The following ASB18 variants were observed in gnomAD, a reference collection of about 807,000 sequenced individuals.
The protein encoded by ASB18 is ankyrin repeat and SOCS box protein 18.
A neutral mutation model predicts 33.4 loss-of-function variants in ASB18; 33 were observed. The observed-to-expected ratio is 0.99, with a 90% CI of 0.75 to 1.32. The LOEUF (loss-of-function observed/expected upper bound fraction) is 1.32. Ranked by LOEUF, ASB18 falls within the 40% of genes most tolerant of loss-of-function variation. ASB18 has a pLI of 0.00. For synonymous variants in ASB18, 295 were observed against 307.6 expected, an observed-to-expected ratio of 0.96 and a Z score of 0.43; for missense variants, 694 against 655.5, an observed-to-expected ratio of 1.06 and a Z score of -0.64.
At chr2:236,254,930 T>C (rs964242430) in intron 1 of ASB18, among the ~76,000 whole-genome samples, 2 of 152,096 alleles carry the variant, frequency 1.3e-5, no homozygotes, top group African/African-American at 4.8e-5. Flanking sequence ...GTTCTCAAGA[T>C]AGTGAGTTCT....
rs1172393049 is a variant in ASB18 at position 236,248,175 on chromosome 2, G to C, written c.206-6773C>G. ...TACACGTGATGCCCCAACAGCAGTG[G>C]TTCAAACGTTGGCTACAAAAATGAA... On this transcript the variant is annotated intron_variant, in intron 1 of 5. Coordinates refer to ENST00000409749, the MANE Select transcript of ASB18 (RefSeq NM_212556.4). This position sits in a 1 kb window ranked among gnomAD's most constrained non-coding sequence, Gnocchi z 4.9. 1.3e-5 allele frequency: 2 copies of C among 152,160 alleles called. No individual in the cohort carries two copies. Among genetic ancestry groups the C allele is most frequent in the Admixed American group, 1.3e-4 (2 of 15,278 alleles). The allele number at this position is 152,160 out of a possible 1,614,324, so 9.4% of individuals were successfully genotyped here.
chr2:236,241,470 C>G lies in ASB18; in HGVS notation c.206-68G>C, dbSNP rs1267781159. 3 of 1,596,078 alleles carry G rather than the reference C, an allele frequency of 1.9e-6. No individual in the cohort carries two copies. Among genetic ancestry groups the G allele is most frequent in the South Asian group, 2.2e-5 (2 of 89,932 alleles). ...CTCTAGCTTGAGGATCCTTCTCTGTCTTTTGAAATATTTGAAGTTTTCCTC... is the reference window on the plus strand; with the variant it reads ...CTCTAGCTTGAGGATCCTTCTCTGTGTTTTGAAATATTTGAAGTTTTCCTC... On this transcript the variant is annotated intron_variant, in intron 1 of 5. Coordinates refer to ENST00000409749, the MANE Select transcript of ASB18 (RefSeq NM_212556.4). This position sits in a 1 kb window ranked among gnomAD's most constrained non-coding sequence, Gnocchi z 4.2.
In ASB18 at chr2:236,223,831, A is replaced by G. The variant is rs573737055; in HGVS notation, c.597-8965T>C. Reference sequence around the variant, plus strand: ...CATCATGCTGTTCACATTCATCCATACTGTTGCCTGCATGGAGTAATTCAT... The same window carrying G: ...CATCATGCTGTTCACATTCATCCATGCTGTTGCCTGCATGGAGTAATTCAT... On this transcript the variant is annotated intron_variant, in intron 3 of 5. Transcript: ENST00000409749. The surrounding 1 kb of genome is among the most constrained non-coding windows in gnomAD (Gnocchi z 4.6). Among the ~76,000 whole-genome samples the G allele has an allele frequency of 1.5e-4, 23 of 152,202 alleles. No individual in the cohort carries two copies. In the South Asian group the frequency reaches 4.6e-3, roughly 30 times the overall value.
rs899989922 is a variant in ASB18, at chr2:236,263,324, C to G, written c.205+817G>C. 2.6e-5 allele frequency among the ~76,000 whole-genome samples: 4 copies of G among 152,090 alleles called. No homozygotes were observed. Among genetic ancestry groups the G allele is most frequent in the Non-Finnish European group, 4.4e-5 (3 of 67,994 alleles). ...CAGGTCTTGCACCTGATGAGGCCTACAAAGAAAAAATCCTATGGACAAGAC... is the reference window on the plus strand; with the variant it reads ...CAGGTCTTGCACCTGATGAGGCCTAGAAAGAAAAAATCCTATGGACAAGAC... On this transcript the variant is annotated intron_variant, in intron 1 of 5. Coordinates refer to ENST00000409749, the MANE Select transcript of ASB18 (RefSeq NM_212556.4). The surrounding 1 kb of genome is among the most constrained non-coding windows in gnomAD (Gnocchi z 4.0).
chr2:236,214,384 A>G lies in ASB18; in HGVS notation c.1079T>C (p.Val360Ala), dbSNP rs1325639915. The change falls in exon 4 of 6, where the codon GTG becomes GCG. Residue 360 changes from valine (V) to alanine (A), a missense_variant. Physicochemically the swap from Val to Ala is moderately conservative, Grantham distance 64. Transcript: ENST00000409749. This position sits in a 1 kb window ranked among gnomAD's most constrained non-coding sequence, Gnocchi z 6.5. ...QALLNHGSPT[V>A]WPDAFPKVLK... ...TACCTTGGGGAAGGCGTCGGGCCAC[A>G]CGGTGGGAGAGCCGTGGTTGAGCAG... 4 of 1,576,976 alleles carry G rather than the reference A, an allele frequency of 2.5e-6. No homozygotes were observed. In the South Asian group the frequency reaches 4.6e-5, roughly 18 times the overall value.
Position 236,243,060 on chromosome 2 carries a change from G to T in ASB18, c.206-1658C>A, listed in dbSNP as rs1481156865. ...AAAAAAAAAAAAAGGGCTGGGCGCA[G>T]TGGCTCACGCCTGTAATCCCAGCAC... is the stretch of plus-strand genomic sequence containing the variant. On this transcript the variant is annotated intron_variant, in intron 1 of 5. Coordinates refer to ENST00000409749, the MANE Select transcript of ASB18 (RefSeq NM_212556.4). Among the ~76,000 whole-genome samples, 17 of 143,718 alleles carry T rather than the reference G, an allele frequency of 1.2e-4. No homozygotes were observed. In the East Asian group the frequency reaches 3.4e-3, roughly 29 times the overall value. 94.3% of individuals were successfully genotyped at this position (143,718 alleles called of 152,430 possible).
chr2:236,236,625 T>TC (rs2060590625), intron 3 of ASB18, among the ~76,000 whole-genome samples: 1 of 98,536 alleles, frequency 1.0e-5, no homozygotes, highest in African/African-American at 3.2e-5. Flanking sequence ...GGCCCCCTGA[T>TC]CCCCCCTCTG....
At chr2:236,236,337 G>T (rs575946258) in intron 3 of ASB18, among the ~76,000 whole-genome samples, 1 of 152,252 alleles carries the variant, frequency 6.6e-6, no homozygotes, top group South Asian at 2.1e-4. Context: ...ACTAAGCCAA[G>T]TAATAGAAAG....
rs1265273900 is a variant in ASB18 at position 236,209,331 on chromosome 2, A to G, written c.1101+5031T>C. On this transcript the variant is annotated intron_variant, in intron 4 of 5. Transcript: ENST00000409749. The surrounding 1 kb of genome is among the most constrained non-coding windows in gnomAD (Gnocchi z 4.4). ...TCTGTCGTCCAGGCTGGAGTGTAGT[A>G]TTGCAATCATGGCTCACTGCAGCTT... 6.9e-6 allele frequency among the ~76,000 whole-genome samples: 1 copy of G among 145,768 alleles called. No individual in the cohort carries two copies. The highest frequency in any genetic ancestry group is 2.6e-5 in the African/African-American group (1 of 38,804).
Position 236,239,293 on chromosome 2 carries a change from CT to C in ASB18, c.329-1338del, listed in dbSNP as rs1381588746. Among the ~76,000 whole-genome samples, 1 of 152,178 alleles carries C rather than the reference CT, an allele frequency of 6.6e-6. No individual in the cohort carries two copies. The highest frequency in any genetic ancestry group is 1.5e-5 in the Non-Finnish European group (1 of 68,018). On this transcript the variant is annotated intron_variant, in intron 2 of 5. Transcript: ENST00000409749. This position sits in a 1 kb window ranked among gnomAD's most constrained non-coding sequence, Gnocchi z 5.6. ...GCTAAATCCCCAACCCAGCCCCACCCTACCCTAGCGCTCAGTAAACCCACCC... is the reference window on the plus strand; with the variant it reads ...GCTAAATCCCCAACCCAGCCCCACCCACCCTAGCGCTCAGTAAACCCACCC...
At position 236,226,424 on chromosome 2, in the gene ASB18, A is replaced by G. The variant is rs1204076963; in HGVS notation, c.596+11265T>C. Among the ~76,000 whole-genome samples the G allele has an allele frequency of 6.6e-6, 1 of 150,720 alleles. No individual in the cohort carries two copies. The highest frequency in any genetic ancestry group is 6.6e-5 in the Admixed American group (1 of 15,200). On this transcript the variant is annotated intron_variant, in intron 3 of 5. Coordinates refer to ENST00000409749, the MANE Select transcript of ASB18 (RefSeq NM_212556.4). The surrounding 1 kb of genome is among the most constrained non-coding windows in gnomAD (Gnocchi z 4.8). The stretch of plus-strand genomic sequence containing the variant: ...GAGCGACACAGAGAAGAGAAAATGA[A>G]ACAAGAAAGAAGAAAGAGGAGGAAG...
In ASB18 at chr2:236,209,676, C is replaced by G; in HGVS notation, c.1101+4686G>C. Among the ~76,000 whole-genome samples the G allele has an allele frequency of 6.6e-6, 1 of 152,222 alleles. No individual in the cohort carries two copies. The highest frequency in any genetic ancestry group is 1.9e-4 in the East Asian group (1 of 5,198). On this transcript the variant is annotated intron_variant, in intron 4 of 5. Transcript: ENST00000409749. The surrounding 1 kb of genome is among the most constrained non-coding windows in gnomAD (Gnocchi z 4.4). The stretch of plus-strand genomic sequence containing the variant: ...CCATCAGCCCCCTACCTGGTGTGTT[C>G]TCTACGTCGAGCTTAGAAATTCCAA...
At position 236,257,591 on chromosome 2, in the gene ASB18, G is replaced by T. The variant is rs1358466155; in HGVS notation, c.205+6550C>A. On this transcript the variant is annotated intron_variant, in intron 1 of 5. Transcript: ENST00000409749. The surrounding 1 kb of genome is among the most constrained non-coding windows in gnomAD (Gnocchi z 5.5). ...ATGTATGCTTCATGTCAGATTAAAG[G>T]GTTGTAGACAGCTTCACTGGGAAGT... 6.6e-6 allele frequency among the ~76,000 whole-genome samples: 1 copy of T among 152,156 alleles called. No individual in the cohort carries two copies. The highest frequency in any genetic ancestry group is 6.5e-5 in the Admixed American group (1 of 15,270).
chr2:236,224,112 C>CATT (rs2060525623), intron 3 of ASB18, among the ~76,000 whole-genome samples: 1 of 146,200 alleles, frequency 6.8e-6, no homozygotes, highest in African/African-American at 2.5e-5. Context: ...AAAGAGATAT[C>CATT]ATTTTACCCA....
chr2:236,241,180 A>G lies in ASB18; in HGVS notation c.328+100T>C. 1.7e-6 allele frequency: 2 copies of G among 1,203,194 alleles called. No homozygotes were observed. The highest frequency in any genetic ancestry group is 2.4e-6 in the Non-Finnish European group (2 of 832,216). The allele number at this position is 1,203,194 out of a possible 1,614,324, so 74.5% of individuals were successfully genotyped here. A position where few individuals can be genotyped will look rare whatever the true frequency, so the allele number is the denominator to read the frequency against. Reference sequence around the variant, plus strand: ...TCCTTTTCTTGTGTACGTTAAACCCAGTGCCACTGTGCCCAGTCTACACAC... The same window carrying G: ...TCCTTTTCTTGTGTACGTTAAACCCGGTGCCACTGTGCCCAGTCTACACAC... On this transcript the variant is annotated intron_variant, in intron 2 of 5. Transcript: ENST00000409749. This position sits in a 1 kb window ranked among gnomAD's most constrained non-coding sequence, Gnocchi z 4.2.
Position 236,196,509 on chromosome 2 carries a change from CAG to C in ASB18, c.1102-126_1102-125del. ...GTGACCTCCCTACGCCCAAGCCACA[CAG>C]GGAACAGCAACAGAGCAGTACCACA... On this transcript the variant is annotated intron_variant, in intron 4 of 5. Coordinates refer to ENST00000409749, the MANE Select transcript of ASB18 (RefSeq NM_212556.4). This position sits in a 1 kb window ranked among gnomAD's most constrained non-coding sequence, Gnocchi z 5.6. 1.6e-6 allele frequency: 1 copy of C among 642,650 alleles called. No individual in the cohort carries two copies. The highest frequency in any genetic ancestry group is 1.8e-5 in the South Asian group (1 of 55,102). 39.8% of individuals were successfully genotyped at this position (642,650 alleles called of 1,614,324 possible).
rs1262848600 is a variant in ASB18 at position 236,214,621 on chromosome 2, C to T, written c.842G>A (p.Arg281Gln). The change falls in exon 4 of 6, where the codon CGG (arginine) becomes CAG (glutamine). Residue 281 changes from arginine to glutamine, a missense_variant. Coordinates refer to ENST00000409749, the MANE Select transcript of ASB18 (RefSeq NM_212556.4). The surrounding 1 kb of genome is among the most constrained non-coding windows in gnomAD (Gnocchi z 6.5). The part of the protein sequence containing the change: ...RCLRLCALLL[R>Q]RGAEADARDE... ...GCGCGCGTCCGCCTCCGCCCCGCGCCGCAGCAGCAGCGCGCACAGGCGCAG... is the reference window on the plus strand; with the variant it reads ...GCGCGCGTCCGCCTCCGCCCCGCGCTGCAGCAGCAGCGCGCACAGGCGCAG... The T allele has an allele frequency of 2.5e-6, 3 of 1,202,238 alleles. No homozygotes were observed. The highest frequency in any genetic ancestry group is 3.1e-6 in the Non-Finnish European group (3 of 970,878). 74.5% of individuals were successfully genotyped at this position (1,202,238 alleles called of 1,614,324 possible). A position where few individuals can be genotyped will look rare whatever the true frequency, so the allele number is the denominator to read the frequency against.
Position 236,231,550 on chromosome 2 carries a change from G to T in ASB18, c.596+6139C>A, listed in dbSNP as rs2060565085. Reference sequence around the variant, plus strand: ...CATGCCCTCACCAGACAATGAATCTGCTGGCAACTTGATCTTGGACTTCCC... The same window carrying T: ...CATGCCCTCACCAGACAATGAATCTTCTGGCAACTTGATCTTGGACTTCCC... On this transcript the variant is annotated intron_variant, in intron 3 of 5. Transcript: ENST00000409749. This position sits in a 1 kb window ranked among gnomAD's most constrained non-coding sequence, Gnocchi z 5.5. Among the ~76,000 whole-genome samples the T allele has an allele frequency of 6.6e-6, 1 of 152,170 alleles. No individual in the cohort carries two copies. Among genetic ancestry groups the T allele is most frequent in the African/African-American group, 2.4e-5 (1 of 41,436 alleles).
chr2:236,242,052 T>C (rs1166994256), intron 1 of ASB18, among the ~76,000 whole-genome samples: 1 of 152,212 alleles, frequency 6.6e-6, no homozygotes, highest in Non-Finnish European at 1.5e-5. Context: ...GAAACAAGTA[T>C]TTATGAAGCA....
Sources: allele counts gnomAD v4.1 joint callset (sites outside exome capture counted in the v4.1 genomes callset), GRCh38; gene constraint gnomAD v4.1.1; non-coding constraint Gnocchi (gnomAD v3.1); transcripts MANE v1.5; gene names NCBI Gene and HGNC (gene_info 2026-07-23, HGNC 2026-07-21).